The following USP10 variants were observed in gnomAD, a reference collection of about 807,000 sequenced individuals.
USP10 encodes the protein ubiquitin carboxyl-terminal hydrolase 10.
A neutral mutation model predicts 84.5 loss-of-function variants in USP10; 22 were observed. The observed-to-expected ratio is 0.26, with a 90% CI of 0.19 to 0.37. The LOEUF (loss-of-function observed/expected upper bound fraction) is 0.37, where lower values mean the gene tolerates loss of function less well. Among genes scored for constraint, USP10 ranks in the 10% least tolerant of loss-of-function variants. The pLI is 1.00. For missense variants in USP10, 1,019 were observed against 998.9 expected, an observed-to-expected ratio of 1.02 and a Z score of -0.27; for synonymous variants, 454 against 387.6, an observed-to-expected ratio of 1.17 and a Z score of -2.01.
intron 13 of USP10, 125 bp from the exon 14 acceptor site, chr16:84,778,770 G>T (rs1915279584): frequency 1.1e-6 from 1 of 902,344 alleles, no homozygotes; most frequent in Non-Finnish European, 1.7e-6. Context: ...ACATCTCTCT[G>T]TCCCACCTGC....
intron 1 of USP10, among the ~76,000 whole-genome samples, chr16:84,705,292 C>T (rs1905331288): frequency 6.6e-6 from 1 of 151,048 alleles, no homozygotes; most frequent in South Asian, 2.1e-4. Flanking sequence ...AGTGCATTGG[C>T]GGTATCTTGT....
chr16:84,775,756 C>G (rs1914946065), intron 13 of USP10, among the ~76,000 whole-genome samples: 1 of 152,228 alleles, frequency 6.6e-6, no homozygotes, highest in South Asian at 2.1e-4. Flanking sequence ...ACCCCCTGTT[C>G]CCTCATGGGT....
At chr16:84,754,675 T>C (rs1017962028) in intron 4 of USP10, among the ~76,000 whole-genome samples, 2 of 152,222 alleles carry the variant, frequency 1.3e-5, no homozygotes, top group African/African-American at 2.4e-5. Context: ...TTTAAGGGAA[T>C]GGCTGATGTA....
intron 12 of USP10, among the ~76,000 whole-genome samples, chr16:84,773,226 CAAG>C (rs1914636400): frequency 6.6e-6 from 1 of 152,146 alleles, no homozygotes; most frequent in Non-Finnish European, 1.5e-5. Flanking sequence ...AGCACAGCTT[CAAG>C]AAGACTTTTC....
chr16:84,752,497 A>G (rs1912047984), intron 4 of USP10, among the ~76,000 whole-genome samples: 1 of 152,184 alleles, frequency 6.6e-6, no homozygotes, highest in South Asian at 2.1e-4. Flanking sequence ...AGCCTCCATA[A>G]TTGGAATGCG....
chr16:84,734,252 T>G (rs1049407152), intron 2 of USP10, among the ~76,000 whole-genome samples: 2 of 143,514 alleles, frequency 1.4e-5, no homozygotes, highest in Non-Finnish European at 3.0e-5. Flanking sequence ...ATGGGAGTTT[T>G]CTTGCTCGTA....
intron 1 of USP10, among the ~76,000 whole-genome samples, chr16:84,724,975 AAAG>A (rs1387263939): frequency 1.3e-5 from 2 of 152,244 alleles, no homozygotes; most frequent in Admixed American, 1.3e-4. Flanking sequence ...AAAGCCTAGT[AAAG>A]AAATTAAAAT....
intron 4 of USP10, among the ~76,000 whole-genome samples, chr16:84,749,936 G>C (rs1291026023): frequency 6.6e-6 from 1 of 152,168 alleles, no homozygotes; most frequent in South Asian, 2.1e-4. Flanking sequence ...TTTGAAAGGA[G>C]AAGGACACGC....
rs369647790 is a variant in USP10 at position 84,760,255 on chromosome 16, A to G, written c.1534A>G (p.Lys512Glu). ...TATTTACAGACTCCTGACAGTTAACAAGTCAAGCCTGTCTGAAAAGGTTTG... is the reference window on the plus strand; with the variant it reads ...TATTTACAGACTCCTGACAGTTAACGAGTCAAGCCTGTCTGAAAAGGTTTG... ...TYIYRLLTVN[K>E]SSLSEKGRQE... Residue 512 changes from lysine to glutamate, a missense_variant, in exon 8 of 14, where the codon AAG becomes GAG. This residue lies in a region of USP10 where 787 missense variants were observed against 708.8 expected (regional missense o/e 1.11). Transcript: ENST00000219473. The G allele has an allele frequency of 6.3e-5, 102 of 1,608,104 alleles. No homozygotes were observed. The highest frequency in any genetic ancestry group is 8.3e-5 in the Non-Finnish European group (98 of 1,177,042).
chr16:84,765,970 G>A lies in USP10; in HGVS notation c.1832+1707G>A, dbSNP rs574165379. ...AGGTTTACCCATCGAAAGTACTGAAGAGGCCTCATTGGAGCCTAATTTCCT... is the reference window on the plus strand; with the variant it reads ...AGGTTTACCCATCGAAAGTACTGAAAAGGCCTCATTGGAGCCTAATTTCCT... On this transcript the variant is annotated intron_variant, in intron 10 of 13. Transcript: ENST00000219473. Among the ~76,000 whole-genome samples, 4 of 152,330 alleles carry A rather than the reference G, an allele frequency of 2.6e-5. No homozygotes were observed. In the East Asian group the frequency reaches 7.7e-4, roughly 29 times the overall value.
Position 84,748,341 on chromosome 16 carries a change from T to G in USP10, c.1192+2668T>G, listed in dbSNP as rs1365516961. 3.9e-5 allele frequency among the ~76,000 whole-genome samples: 6 copies of G among 151,936 alleles called. No homozygotes were observed. In the South Asian group the frequency reaches 8.3e-4, roughly 21 times the overall value. On this transcript the variant is annotated intron_variant, in intron 4 of 13. Coordinates refer to ENST00000219473, the MANE Select transcript of USP10 (RefSeq NM_005153.3). ...ATTTTTGAGAGGGGGTCTCACTCTGTCGCCCAGGCCGGAATGCAGTGGCGC... is the reference window on the plus strand; with the variant it reads ...ATTTTTGAGAGGGGGTCTCACTCTGGCGCCCAGGCCGGAATGCAGTGGCGC...
At chr16:84,738,922 A>G (rs1043209515) in intron 2 of USP10, among the ~76,000 whole-genome samples, 3 of 152,210 alleles carry the variant, frequency 2.0e-5, no homozygotes, top group Non-Finnish European at 4.4e-5. Context: ...TTGCGGCCCT[A>G]GGGCCGTTCC....
intron 13 of USP10, among the ~76,000 whole-genome samples, chr16:84,778,344 A>T (rs552290619): frequency 6.6e-6 from 1 of 152,316 alleles, no homozygotes; most frequent in South Asian, 2.1e-4. Context: ...CTCATTTAAT[A>T]TACCATAAGC....
intron 1 of USP10, among the ~76,000 whole-genome samples, chr16:84,704,221 TG>T (rs146495239): frequency 0.054 from 8,188 of 152,300 alleles, 468 homozygotes; most frequent in African/African-American, 0.15. Context: ...TTCCTGTTAA[TG>T]GTTCCTGGTA....
chr16:84,703,967 GAT>G (rs1905189502), intron 1 of USP10, among the ~76,000 whole-genome samples: 1 of 152,250 alleles, frequency 6.6e-6, no homozygotes. Flanking sequence ...ACGTGGAACT[GAT>G]AGGATTTAAG....
At chr16:84,774,923 C>T (rs527807979) in intron 12 of USP10, among the ~76,000 whole-genome samples, 2 of 152,300 alleles carry the variant, frequency 1.3e-5, no homozygotes, top group East Asian at 3.9e-4. Flanking sequence ...GCATCACAGC[C>T]TCGGCCGTTG....
intron 1 of USP10, among the ~76,000 whole-genome samples, chr16:84,712,231 G>A (rs530478152): frequency 1.3e-5 from 2 of 152,320 alleles, no homozygotes; most frequent in Admixed American, 1.3e-4. Context: ...TCCTCAGGAG[G>A]CAGTCAGCTG....
intron 2 of USP10, among the ~76,000 whole-genome samples, chr16:84,739,516 A>C (rs1597341006): frequency 6.6e-6 from 1 of 150,872 alleles, no homozygotes; most frequent in African/African-American, 2.4e-5. Flanking sequence ...CAAGTGATTC[A>C]CCCACCTCAG....
intron 8 of USP10, among the ~76,000 whole-genome samples, chr16:84,762,576 A>G (rs1262120647): frequency 6.6e-6 from 1 of 152,038 alleles, no homozygotes; most frequent in East Asian, 1.9e-4. Flanking sequence ...CTGGAGTCCC[A>G]GCTACTCGGG....
Sources: allele counts gnomAD v4.1 joint callset (sites outside exome capture counted in the v4.1 genomes callset), GRCh38; gene constraint gnomAD v4.1.1; regional missense constraint gnomAD v4.1.1; transcripts MANE v1.5; gene names NCBI Gene and HGNC (gene_info 2026-07-23, HGNC 2026-07-21).